Variants in PLA2G4B observed in about 807,000 individuals in gnomAD.
PLA2G4B encodes the protein cytosolic phospholipase A2 beta.
In PLA2G4B, 122 loss-of-function variants were observed where a neutral mutation model predicts 95.8. The ratio of observed to expected loss-of-function variants is 1.27; its 90% CI spans 1.10 to 1.48. The LOEUF (loss-of-function observed/expected upper bound fraction) is 1.48. Among genes scored for constraint, PLA2G4B ranks in the 40% most tolerant of loss-of-function variants. The pLI is 0.00. For missense variants in PLA2G4B, 1,158 were observed against 996.2 expected, an observed-to-expected ratio of 1.16 and a Z score of -2.19; for synonymous variants, 518 against 421.5, an observed-to-expected ratio of 1.23 and a Z score of -2.80.
intron 16 of PLA2G4B, 45 bp from the exon 17 acceptor site, chr15:41,846,158 G>A (rs766897133): frequency 6.3e-7 from 1 of 1,598,356 alleles, no homozygotes; most frequent in Non-Finnish European, 8.6e-7. Flanking sequence ...CCAAGGTGGG[G>A]ATAAAGGTGC....
In PLA2G4B at chr15:41,847,483, T is replaced by C. The variant is rs774984765; in HGVS notation, c.2094T>C (p.Phe698=). 1 of 1,611,180 alleles carries C rather than the reference T, an allele frequency of 6.2e-7. No homozygotes were observed. Among genetic ancestry groups the C allele is most frequent in the Non-Finnish European group, 8.5e-7 (1 of 1,178,110 alleles). The change falls in exon 19 of 20, where the codon TTT becomes TTC. Residue 698 remains phenylalanine, a synonymous_variant. Transcript: ENST00000458483. ...CCGGAGCCCCTGCGGTGCTGCACTT[T>C]CCTCTGGTCAGCGACTCCTTCCGGG... ...TCPGAPAVLH[F]PLVSDSFREY...
chr15:41,842,120 G>T, intron 8 of PLA2G4B, 73 bp from the exon 9 acceptor site: 1 of 1,594,766 alleles, frequency 6.3e-7, no homozygotes, highest in South Asian at 1.1e-5. Flanking sequence ...GGCTGCCGGC[G>T]GGAGTTTGGT....
In PLA2G4B at chr15:41,844,832, C is replaced by T. The variant is rs2065503450; in HGVS notation, c.1017-16C>T. On this transcript the variant is annotated splice_polypyrimidine_tract_variant and intron_variant, in intron 12 of 19. Coordinates refer to ENST00000458483, the MANE Select transcript of PLA2G4B (RefSeq NM_001114633.2). ...TTCAGTGACAGCCCTCTGGCTTTGG[C>T]TTTGGCTTTTCCCAGGGCCTTGGCC... The T allele has an allele frequency of 6.3e-7, 1 of 1,584,694 alleles. No individual in the cohort carries two copies. Among genetic ancestry groups the T allele is most frequent in the Non-Finnish European group, 8.6e-7 (1 of 1,166,928 alleles).
Position 41,845,967 on chromosome 15 carries a change from C to G in PLA2G4B, c.1520C>G (p.Ala507Gly). 1 of 1,516,282 alleles carries G rather than the reference C, an allele frequency of 6.6e-7. No individual in the cohort carries two copies. The highest frequency in any genetic ancestry group is 8.8e-7 in the Non-Finnish European group (1 of 1,132,858). The allele number at this position is 1,516,282 out of a possible 1,614,324, so 93.9% of individuals were successfully genotyped here. Residue 507 changes from alanine (A) to glycine (G), a missense_variant, in exon 16 of 20, where the codon GCC (alanine) becomes GGC (glycine). Physicochemically the swap from Ala to Gly is moderately conservative, Grantham distance 60. Transcript: ENST00000458483. The part of the protein sequence containing the change: ...LEGIWSNLYA[A>G]NLQDSLYWAS... ...GGTATCTGGAGCAACCTGTATGCAG[C>G]CAACCTCCAGGACAGCTTATACTGG...
chr15:41,838,975 G>A, intron 1 of PLA2G4B, 53 bp downstream of exon 1: 1 of 1,453,210 alleles, frequency 6.9e-7, no homozygotes, highest in Middle Eastern at 1.7e-4. Context: ...TCTCTACCTG[G>A]GGCCTAGTTA....
rs780470088 is a variant in PLA2G4B at position 41,847,828 on chromosome 15, G to C, written c.2314G>C (p.Val772Leu). 34 of 1,612,992 alleles carry C rather than the reference G, an allele frequency of 2.1e-5. No individual in the cohort carries two copies. Among genetic ancestry groups the C allele is most frequent in the Middle Eastern group, 1.6e-4 (1 of 6,084 alleles). ...EQLLEALRQA[V>L]QRRRQRRPH ...GCTGCTGGAGGCTCTGCGCCAGGCAGTGCAGCGGAGGCGGCAGCGCAGGCC... is the reference window on the plus strand; with the variant it reads ...GCTGCTGGAGGCTCTGCGCCAGGCACTGCAGCGGAGGCGGCAGCGCAGGCC... The change falls in exon 20 of 20, where the codon GTG becomes CTG. Residue 772 changes from valine to leucine, a missense_variant. By Grantham distance (32) the Val-to-Leu change is conservative. Coordinates refer to ENST00000458483, the MANE Select transcript of PLA2G4B (RefSeq NM_001114633.2).
chr15:41,846,096 G>C (rs890127371), intron 16 of PLA2G4B, 49 bp downstream of exon 16: 3 of 1,572,246 alleles, frequency 1.9e-6, no homozygotes, highest in Non-Finnish European at 2.6e-6. Flanking sequence ...AGCCAGCTGG[G>C]GCTGCACCAG....
Position 41,840,770 on chromosome 15 carries a change from C to G in PLA2G4B, c.220-4C>G, listed in dbSNP as rs761519624. On this transcript the variant is annotated splice_region_variant and splice_polypyrimidine_tract_variant and intron_variant, in intron 3 of 19. Coordinates refer to ENST00000458483, the MANE Select transcript of PLA2G4B (RefSeq NM_001114633.2). ...TGCAGCCCTGTCACTCTTTTCCCCT[C>G]CAGAATGTCATGGAACTGAAAGTCT... 6.2e-7 allele frequency: 1 copy of G among 1,613,462 alleles called. No homozygotes were observed. The highest frequency in any genetic ancestry group is 1.1e-5 in the South Asian group (1 of 91,006).
Position 41,844,404 on chromosome 15 carries a change from C to T in PLA2G4B, c.880-67C>T, listed in dbSNP as rs1390784666. On this transcript the variant is annotated intron_variant, in intron 11 of 19. Coordinates refer to ENST00000458483, the MANE Select transcript of PLA2G4B (RefSeq NM_001114633.2). ...TGGGTGGCCACTTGACCTGCTACCT[C>T]TTCTTCCTGTGACTTGGCCTTCCCC... 6 of 1,610,174 alleles carry T rather than the reference C, an allele frequency of 3.7e-6. No individual in the cohort carries two copies. In the East Asian group the frequency reaches 8.9e-5, roughly 24 times the overall value.
rs2140900096 is a variant in PLA2G4B, at chr15:41,847,346, CTCCTGGGCCGGTTCTGCCAGGAGCAGG to C, written c.1958_1984del (p.Leu653_Gly662delinsArg). 2 of 1,602,528 alleles carry C rather than the reference CTCCTGGGCCGGTTCTGCCAGGAGCAGG, an allele frequency of 1.2e-6. No homozygotes were observed. Among genetic ancestry groups the C allele is most frequent in the African/African-American group, 2.7e-5 (2 of 74,874 alleles). ...TCTGCCTGCCCTGCAGCAGTTGCAG[CTCCTGGGCCGGTTCTGCCAGGAGCAGG>C]GGATCCCGTTCCCACCCATCTCGCC... On this transcript the variant is annotated inframe_deletion, in exon 19 of 20. Transcript: ENST00000458483.
chr15:41,844,263 A>AT lies in PLA2G4B; in HGVS notation c.880-202dup, dbSNP rs1475471594. Among the ~76,000 whole-genome samples the AT allele has an allele frequency of 2.6e-5, 4 of 152,172 alleles. No individual in the cohort carries two copies. The South Asian group carries it at 6.2e-4, about 24-fold the overall frequency. On this transcript the variant is annotated intron_variant, in intron 11 of 19. Coordinates refer to ENST00000458483, the MANE Select transcript of PLA2G4B (RefSeq NM_001114633.2). Reference sequence around the variant, plus strand: ...ATGAGGCTCAGAACTTGCCTGGGCCATTTTTTCCTGGAGCCCTTAGGACTG... The same window carrying AT: ...ATGAGGCTCAGAACTTGCCTGGGCCATTTTTTTCCTGGAGCCCTTAGGACTG...
rs532883590 is a variant in PLA2G4B, at chr15:41,844,701, G to T, written c.1016+94G>T. Reference sequence around the variant, plus strand: ...CCTCTGAGAAAACTAGAAGGGCTGGGAGAATGAATGTGCCAGGGAGAAACG... The same window carrying T: ...CCTCTGAGAAAACTAGAAGGGCTGGTAGAATGAATGTGCCAGGGAGAAACG... On this transcript the variant is annotated intron_variant, in intron 12 of 19. Transcript: ENST00000458483. 27 of 1,596,370 alleles carry T rather than the reference G, an allele frequency of 1.7e-5. 1 individual carries two copies. In the East Asian group the frequency reaches 5.4e-4, roughly 32 times the overall value.
In PLA2G4B at chr15:41,847,991, C is replaced by T. The variant is rs926032812; in HGVS notation, c.*131C>T. ...ACGGTCCCAGGGTCCAGGCTGAGGG[C>T]TGGGAGCTCCCTTGCGCCTCAGCAG... On this transcript the variant is annotated 3_prime_UTR_variant, in exon 20 of 20. Coordinates refer to ENST00000458483, the MANE Select transcript of PLA2G4B (RefSeq NM_001114633.2). 7.9e-7 allele frequency: 1 copy of T among 1,272,824 alleles called. No individual in the cohort carries two copies. The allele number at this position is 1,272,824 out of a possible 1,614,324, so 78.8% of individuals were successfully genotyped here.
At position 41,847,979 on chromosome 15, in the gene PLA2G4B, C is replaced by T; in HGVS notation, c.*119C>T. ...GGCTCAGGTGGCACGGTCCCAGGGT[C>T]CAGGCTGAGGGCTGGGAGCTCCCTT... On this transcript the variant is annotated 3_prime_UTR_variant, in exon 20 of 20. Transcript: ENST00000458483. 7.4e-7 allele frequency: 1 copy of T among 1,351,168 alleles called. No homozygotes were observed. The highest frequency in any genetic ancestry group is 9.9e-7 in the Non-Finnish European group (1 of 1,005,872). The allele number at this position is 1,351,168 out of a possible 1,614,324, so 83.7% of individuals were successfully genotyped here.
At position 41,847,405 on chromosome 15, in the gene PLA2G4B, C is replaced by T. The variant is rs745941020; in HGVS notation, c.2016C>T (p.Pro672=). The T allele has an allele frequency of 8.7e-6, 14 of 1,613,068 alleles. No individual in the cohort carries two copies. The highest frequency in any genetic ancestry group is 2.2e-5 in the South Asian group (2 of 91,076). Reference sequence around the variant, plus strand: ...CGTTCCCACCCATCTCGCCCAGCCCCGAAGAGCAGCTCCAGCCTCGGGAGT... The same window carrying T: ...CGTTCCCACCCATCTCGCCCAGCCCTGAAGAGCAGCTCCAGCCTCGGGAGT... The part of the protein sequence containing the change: ...GIPFPPISPS[P]EEQLQPRECH... Residue 672 remains proline, a synonymous_variant, in exon 19 of 20, where the codon CCC becomes CCT. Transcript: ENST00000458483.
In PLA2G4B at chr15:41,845,407, C is replaced by T. The variant is rs2065519955; in HGVS notation, c.1357+87C>T. 9 of 1,518,864 alleles carry T rather than the reference C, an allele frequency of 5.9e-6. No homozygotes were observed. The Admixed American group carries it at 1.1e-4, about 18-fold the overall frequency. 94.1% of individuals were successfully genotyped at this position (1,518,864 alleles called of 1,614,324 possible). ...GACTGTGTGCAGATTGCAGATGTCA[C>T]ACCCACCTCTCCTGAGCCAGGTCCC... On this transcript the variant is annotated intron_variant, in intron 14 of 19. Transcript: ENST00000458483.
rs372186339 is a variant in PLA2G4B, at chr15:41,843,686, C to T, written c.754C>T (p.Leu252=). ...TCCTTCCCCGGCCAGACTGAGGGAG[C>T]TGGCCGTGCGACTGGGCTTCGGGCC... ...ELKKEAGLRE[L]AVRLGFGPCA... is the part of the protein sequence containing the mutation. Residue 252 remains leucine (L), a synonymous_variant, in exon 11 of 20, where the codon CTG becomes TTG. Coordinates refer to ENST00000458483, the MANE Select transcript of PLA2G4B (RefSeq NM_001114633.2). 1.9e-6 allele frequency: 3 copies of T among 1,613,458 alleles called. No homozygotes were observed. Among genetic ancestry groups the T allele is most frequent in the Non-Finnish European group, 2.5e-6 (3 of 1,179,674 alleles).
At position 41,842,164 on chromosome 15, in the gene PLA2G4B, C is replaced by A. The variant is rs768321463; in HGVS notation, c.622-29C>A. ...TGCTAGGAGTGGAAGCGTAAAGATT[C>A]TTAGGTCTGCATTCTTTGTCCCCTG... On this transcript the variant is annotated intron_variant, in intron 8 of 19. Transcript: ENST00000458483. 19 of 1,612,880 alleles carry A rather than the reference C, an allele frequency of 1.2e-5. No homozygotes were observed. The South Asian group carries it at 2.1e-4, about 18-fold the overall frequency.
In PLA2G4B at chr15:41,845,738, G is replaced by T; in HGVS notation, c.1458G>T (p.Met486Ile). Residue 486 changes from methionine (M) to isoleucine (I), a missense_variant, in exon 15 of 20, where the codon ATG (methionine) becomes ATT (isoleucine). Physicochemically the swap from Met to Ile is conservative, Grantham distance 10. Transcript: ENST00000458483. ...CCGAGTTCTTTATGGGGCAGCTGAT[G>T]AAGAGGCTTCCTGAGTCCCGCATCT... ...FGSEFFMGQL[M>I]KRLPESRICF... The T allele has an allele frequency of 6.2e-7, 1 of 1,611,522 alleles. No individual in the cohort carries two copies. The highest frequency in any genetic ancestry group is 1.1e-5 in the South Asian group (1 of 90,766).
Sources: allele counts gnomAD v4.1 joint callset (sites outside exome capture counted in the v4.1 genomes callset), GRCh38; gene constraint gnomAD v4.1.1; transcripts MANE v1.5; gene names NCBI Gene and HGNC (gene_info 2026-07-23, HGNC 2026-07-21).